The following ACACB variants were observed in gnomAD, a reference collection of about 807,000 sequenced individuals.
ACACB encodes the protein acetyl-CoA carboxylase beta, also known as acetyl-CoA carboxylase 2.
Under a neutral mutation model 278.8 loss-of-function variants are expected in ACACB, and 209 were observed. The observed-to-expected ratio is 0.75, with a 90% CI of 0.67 to 0.84. The LOEUF is 0.84. Ranked by LOEUF, ACACB falls within the 40% of genes least tolerant of loss-of-function variation. The pLI is 0.00. For synonymous variants in ACACB, 1,174 were observed against 1,285.6 expected, an observed-to-expected ratio of 0.91 and a Z score of 1.86; for missense variants, 2,850 against 3,269.0, an observed-to-expected ratio of 0.87 and a Z score of 3.13.
At chr12:109,190,626 G>GTT (rs79826041) in intron 13 of ACACB, among the ~76,000 whole-genome samples, 25 of 150,666 alleles carry the variant, frequency 1.7e-4, no homozygotes, top group Admixed American at 2.6e-4. Flanking sequence ...TTTTCCCTTT[G>GTT]TTTTTTTTTC....
intron 9 of ACACB, among the ~76,000 whole-genome samples, chr12:109,178,065 C>T (rs971138394): frequency 2.6e-5 from 4 of 152,152 alleles, no homozygotes; most frequent in African/African-American, 9.7e-5. Context: ...TCCCCATTAC[C>T]TTCCAACTCT....
At position 109,191,691 on chromosome 12, in the gene ACACB, G is replaced by A; in HGVS notation, c.2223G>A (p.Leu741=). ...CCGTGGAATACCTCATTAACCTCCT[G>A]GAGACCGAGAGCTTCCAGAACAACG... ...RTTVEYLINL[L]ETESFQNNDI... Residue 741 remains leucine, a synonymous_variant, in exon 14 of 53, where the codon CTG becomes CTA. Coordinates refer to ENST00000338432, the MANE Select transcript of ACACB (RefSeq NM_001093.4). The A allele has an allele frequency of 6.2e-7, 1 of 1,614,170 alleles. No individual in the cohort carries two copies. The highest frequency in any genetic ancestry group is 8.5e-7 in the Non-Finnish European group (1 of 1,180,038).
intron 24 of ACACB, among the ~76,000 whole-genome samples, chr12:109,218,186 A>G (rs1358026918): frequency 2.0e-5 from 3 of 152,158 alleles, no homozygotes; most frequent in Non-Finnish European, 4.4e-5. Context: ...ACTCGATGAT[A>G]GCAGTCTTTT....
Position 109,191,494 on chromosome 12 carries a change from G to A in ACACB, c.2145-119G>A, listed in dbSNP as rs1593512351. ...CTCCCAAAGTGCTGGGATTACAGGCGTGAGCCACCACACCCGGCCACTCCT... is the reference window on the plus strand; with the variant it reads ...CTCCCAAAGTGCTGGGATTACAGGCATGAGCCACCACACCCGGCCACTCCT... On this transcript the variant is annotated intron_variant, in intron 13 of 52. Coordinates refer to ENST00000338432, the MANE Select transcript of ACACB (RefSeq NM_001093.4). 1.2e-5 allele frequency: 16 copies of A among 1,316,104 alleles called. No individual in the cohort carries two copies. The Admixed American group carries it at 1.4e-4, about 11-fold the overall frequency. 81.5% of individuals were successfully genotyped at this position (1,316,104 alleles called of 1,614,324 possible). A position where few individuals can be genotyped will look rare whatever the true frequency, so the allele number is the denominator to read the frequency against.
rs146951387 is a variant in ACACB, at chr12:109,160,101, A to G, written c.654-6760A>G. ...CTAGACTCTGTCTCAAAAAAAAAAA[A>G]AAAACCAACCAACCAAACAAAAAAC... On this transcript the variant is annotated intron_variant, in intron 2 of 52. Coordinates refer to ENST00000338432, the MANE Select transcript of ACACB (RefSeq NM_001093.4). Among the ~76,000 whole-genome samples the G allele has an allele frequency of 4.8e-3, 728 of 151,834 alleles. 9 individuals carry two copies. Among genetic ancestry groups the G allele is most frequent in the African/African-American group, 0.017 (696 of 41,452 alleles).
chr12:109,224,359 C>T (rs2046258443), intron 27 of ACACB, among the ~76,000 whole-genome samples: 2 of 151,524 alleles, frequency 1.3e-5, no homozygotes, highest in Admixed American at 1.3e-4. Context: ...TTAAGGTGAC[C>T]CCCTGCCCCC....
At chr12:109,117,357 C>G (rs1593340449) in intron 1 of ACACB, among the ~76,000 whole-genome samples, 1 of 72,982 alleles carries the variant, frequency 1.4e-5, no homozygotes, top group Non-Finnish European at 3.1e-5. Context: ...AAGACTCTGT[C>G]TCAAAAAAAA....
At chr12:109,122,995 C>A (rs1263221179) in intron 1 of ACACB, among the ~76,000 whole-genome samples, 3 of 152,074 alleles carry the variant, frequency 2.0e-5, no homozygotes, top group African/African-American at 7.2e-5. Context: ...TCCTGGCTAA[C>A]ATGGTGAAAC....
intron 1 of ACACB, among the ~76,000 whole-genome samples, chr12:109,118,300 T>C (rs571648760): frequency 6.6e-6 from 1 of 152,336 alleles, no homozygotes; most frequent in African/African-American, 2.4e-5. Context: ...AGACAGAAAT[T>C]TGAGTATTAC....
intron 9 of ACACB, among the ~76,000 whole-genome samples, chr12:109,176,655 C>T (rs1169127574): frequency 6.6e-6 from 1 of 152,186 alleles, no homozygotes; most frequent in Non-Finnish European, 1.5e-5. Flanking sequence ...TTCACTCTGT[C>T]ACCCAGGCTG....
intron 13 of ACACB, among the ~76,000 whole-genome samples, chr12:109,188,426 C>CCTTCT: frequency 1.4e-5 from 2 of 141,116 alleles, no homozygotes; most frequent in African/African-American, 5.4e-5. Flanking sequence ...TCCTCCCGTC[C>CCTTCT]TTCCTCCTCC....
At chr12:109,242,401 T>C in intron 36 of ACACB, 36 bp from the exon 37 acceptor site, 1 of 1,598,700 alleles carries the variant, frequency 6.3e-7, no homozygotes. Flanking sequence ...TGTGTGATTC[T>C]CTCTCACTCT....
At position 109,174,294 on chromosome 12, in the gene ACACB, C is replaced by T. The variant is rs184626520; in HGVS notation, c.1216+64C>T. 9.1e-5 allele frequency: 118 copies of T among 1,297,304 alleles called. No individual in the cohort carries two copies. In the African/African-American group the frequency reaches 1.5e-3, roughly 16 times the overall value. The allele number at this position is 1,297,304 out of a possible 1,614,324, so 80.4% of individuals were successfully genotyped here. On this transcript the variant is annotated intron_variant, in intron 7 of 52. Transcript: ENST00000338432. ...GCCCAGTCTTGATAATGTGAACGGT[C>T]AGGGTGACAGAAGTATGCTTGTAAC...
At chr12:109,174,838 C>T (rs1186862587) in intron 7 of ACACB, among the ~76,000 whole-genome samples, 3 of 152,188 alleles carry the variant, frequency 2.0e-5, no homozygotes, top group African/African-American at 7.2e-5. Context: ...CCACTGCACT[C>T]CAGCCTGGGT....
chr12:109,239,694 G>A (rs781727134), intron 34 of ACACB, 136 bp from the exon 35 acceptor site: 7 of 1,048,006 alleles, frequency 6.7e-6, no homozygotes, highest in Non-Finnish European at 9.4e-6. Context: ...GGGCTCTGCT[G>A]TTCTTGCCTG....
intron 28 of ACACB, among the ~76,000 whole-genome samples, chr12:109,232,449 C>T (rs996074066): frequency 1.3e-5 from 2 of 152,200 alleles, no homozygotes; most frequent in Admixed American, 6.5e-5. Context: ...TTGATTCCTA[C>T]ACTTGTTGAG....
intron 41 of ACACB, among the ~76,000 whole-genome samples, chr12:109,251,456 G>A (rs192105485): frequency 3.3e-5 from 5 of 152,312 alleles, no homozygotes; most frequent in Non-Finnish European, 5.9e-5. Flanking sequence ...AGTGGAAAAT[G>A]TTGGTCATAA....
chr12:109,116,310 A>T (rs573290064), upstream of ACACB, among the ~76,000 whole-genome samples: 3 of 152,340 alleles, frequency 2.0e-5, no homozygotes, highest in South Asian at 6.2e-4. Context: ...AGCATGTCAC[A>T]GGAGGGCCCA....
chr12:109,153,154 A>G (rs1024694448), intron 2 of ACACB, among the ~76,000 whole-genome samples: 4 of 151,096 alleles, frequency 2.6e-5, no homozygotes, highest in African/African-American at 9.7e-5. Flanking sequence ...ACACCCAGCT[A>G]ATTTTTGTAG....
Sources: gnomAD v4.1 joint callset for allele counts (sites outside exome capture counted in the v4.1 genomes callset) on GRCh38, gnomAD v4.1.1 for gene constraint, MANE v1.5 for transcripts, NCBI Gene and HGNC (gene_info 2026-07-23, HGNC 2026-07-21) for gene names.